Variants in CCDC3 observed in about 807,000 individuals in gnomAD.
CCDC3 encodes the protein coiled-coil domain containing 3, also known as coiled-coil domain-containing protein 3.
A neutral mutation model predicts 21.4 loss-of-function variants in CCDC3; 24 were observed. The observed-to-expected ratio is 1.12, with a 90% CI of 0.81 to 1.58. The LOEUF (loss-of-function observed/expected upper bound fraction) is 1.58. Among genes scored for constraint, CCDC3 ranks in the 40% most tolerant of loss-of-function variants. The pLI is 0.00. For synonymous variants in CCDC3, 186 were observed against 166.0 expected, an observed-to-expected ratio of 1.12 and a Z score of -0.93; for missense variants, 425 against 360.9, an observed-to-expected ratio of 1.18 and a Z score of -1.44.
chr10:12,992,167 A>G (rs4579841), intron 2 of CCDC3, among the ~76,000 whole-genome samples: 43,441 of 151,962 alleles, frequency 0.29, 6,462 homozygotes, highest in African/African-American at 0.33. Context: ...AGGTGGGTAG[A>G]TCACTTGAGG....
At chr10:12,931,564 T>TA (rs1299304461) in intron 2 of CCDC3, among the ~76,000 whole-genome samples, 3 of 152,262 alleles carry the variant, frequency 2.0e-5, no homozygotes, top group Non-Finnish European at 4.4e-5. Flanking sequence ...TTGGTTTTTC[T>TA]ATAGCTGCTT....
At chr10:12,933,978 A>G (rs925961624) in intron 2 of CCDC3, among the ~76,000 whole-genome samples, 2 of 151,786 alleles carry the variant, frequency 1.3e-5, no homozygotes, top group South Asian at 2.1e-4. Flanking sequence ...TCTTTTGCTT[A>G]CTTTAAATTT....
At chr10:13,071,659 G>T (rs1340798499) in intron 4 of CCDC3, among the ~76,000 whole-genome samples, 1 of 152,120 alleles carries the variant, frequency 6.6e-6, no homozygotes, top group Non-Finnish European at 1.5e-5. Context: ...CAGGACTTGG[G>T]GATACAAGGA....
At chr10:13,002,282 C>T (rs1272637175), upstream of CCDC3, among the ~76,000 whole-genome samples, 1 of 152,218 alleles carries the variant, frequency 6.6e-6, no homozygotes, top group East Asian at 1.9e-4. Flanking sequence ...CTGAGAAATA[C>T]ATTCAGAAGT....
intron 3 of CCDC3, among the ~76,000 whole-genome samples, chr10:13,087,175 CG>C (rs1365903522): frequency 3.3e-5 from 5 of 152,144 alleles, no homozygotes; most frequent in Non-Finnish European, 7.4e-5. Context: ...AAGGCCAAGG[CG>C]GGTGGATCAC....
intron 2 of CCDC3, among the ~76,000 whole-genome samples, chr10:12,978,034 C>A (rs1037385297): frequency 7.6e-6 from 1 of 131,340 alleles, no homozygotes; most frequent in African/African-American, 2.9e-5. Flanking sequence ...TTTTTTTTTT[C>A]TTGAGATGGA....
intron 2 of CCDC3, among the ~76,000 whole-genome samples, chr10:12,937,173 G>A (rs937120585): frequency 4.6e-5 from 7 of 151,058 alleles, no homozygotes; most frequent in Admixed American, 2.6e-4. Flanking sequence ...TTACAGTTCC[G>A]CCTTTCCTAC....
chr10:12,997,582 A>G (rs560540418), intron 2 of CCDC3, among the ~76,000 whole-genome samples: 1 of 152,296 alleles, frequency 6.6e-6, no homozygotes, highest in South Asian at 2.1e-4. Flanking sequence ...CTTACCAACT[A>G]TAGTTAAGAA....
chr10:13,070,812 C>T lies in CCDC3; in HGVS notation c.-270+3056G>A, dbSNP rs147393889. On this transcript the variant is annotated intron_variant, in intron 4 of 6. Coordinates refer to the CCDC3 transcript ENST00000378839. ...GACTAAAGTCTATTTTGCAAACAAC[C>T]CAGTCCTATCATGATTTGTTTTTAA... is the stretch of plus-strand genomic sequence containing the variant. 7.7e-3 allele frequency among the ~76,000 whole-genome samples: 1,170 copies of T among 152,248 alleles called. 41 individuals carry two copies. In the South Asian group the frequency reaches 0.088, roughly 12 times the overall value.
chr10:12,926,092 A>G (rs1457874205), intron 2 of CCDC3, among the ~76,000 whole-genome samples: 1 of 152,242 alleles, frequency 6.6e-6, no homozygotes. Flanking sequence ...GACAGTGCTC[A>G]GTCCTGGGTA....
intron 2 of CCDC3, among the ~76,000 whole-genome samples, chr10:12,957,349 G>A (rs1835105254): frequency 6.6e-6 from 1 of 152,170 alleles, no homozygotes; most frequent in East Asian, 1.9e-4. Context: ...CAGTAATACT[G>A]AACGAAATCT....
At chr10:13,004,498 T>C (rs1461839478), upstream of CCDC3, among the ~76,000 whole-genome samples, 2 of 151,902 alleles carry the variant, frequency 1.3e-5, no homozygotes, top group Admixed American at 6.6e-5. Context: ...GCAGAAGCAT[T>C]ATGGCAGGGA....
intron 2 of CCDC3, among the ~76,000 whole-genome samples, chr10:12,940,172 C>A (rs1488508938): frequency 6.8e-6 from 1 of 148,108 alleles, no homozygotes; most frequent in East Asian, 2.0e-4. Context: ...ATTTCAGTTA[C>A]AGAAGCAACA....
intron 2 of CCDC3, among the ~76,000 whole-genome samples, chr10:12,958,017 G>A (rs1476868586): frequency 6.6e-6 from 1 of 151,992 alleles, no homozygotes; most frequent in East Asian, 1.9e-4. Context: ...AGTAGAGACG[G>A]GGTTTCACCA....
intron 5 of CCDC3, among the ~76,000 whole-genome samples, chr10:13,024,859 G>C (rs149101311): frequency 1.7e-3 from 253 of 152,272 alleles, no homozygotes; most frequent in African/African-American, 5.6e-3. Flanking sequence ...TACATAACTT[G>C]GGTTCTCTTT....
At position 12,903,812 on chromosome 10, in the gene CCDC3, A is replaced by C. The variant is rs540621591; in HGVS notation, c.550-5133T>G. ...TATCCATACTTCCTTATCTGTCTAA[A>C]ATAACACTTTTTAAAACCATCAAAG... is the stretch of plus-strand genomic sequence containing the variant. On this transcript the variant is annotated intron_variant, in intron 2 of 2. Coordinates refer to ENST00000378825, the MANE Select transcript of CCDC3 (RefSeq NM_031455.4). 1.2e-3 allele frequency among the ~76,000 whole-genome samples: 177 copies of C among 152,158 alleles called. 1 individual carries two copies. Among genetic ancestry groups the C allele is most frequent in the African/African-American group, 4.1e-3 (171 of 41,538 alleles).
chr10:13,002,626 C>T (rs939566692), upstream of CCDC3, among the ~76,000 whole-genome samples: 1 of 152,154 alleles, frequency 6.6e-6, no homozygotes, highest in Non-Finnish European at 1.5e-5. Flanking sequence ...TCGATCCTCC[C>T]ACCTCAGCCT....
At chr10:13,029,825 G>A (rs191388765) in intron 5 of CCDC3, among the ~76,000 whole-genome samples, 95 of 152,326 alleles carry the variant, frequency 6.2e-4, no homozygotes, top group African/African-American at 2.1e-3. Context: ...AAGCCTCCAA[G>A]AAATATGGGA....
chr10:13,042,906 C>CAAAAA (rs55911312), intron 5 of CCDC3, among the ~76,000 whole-genome samples: 41 of 100,208 alleles, frequency 4.1e-4, no homozygotes, highest in African/African-American at 7.5e-4. Context: ...GAGACTGTCT[C>CAAAAA]AAAAAAAAAA....
Sources: allele counts gnomAD v4.1 joint callset (sites outside exome capture counted in the v4.1 genomes callset), GRCh38; gene constraint gnomAD v4.1.1; transcripts MANE v1.5; gene names NCBI Gene and HGNC (gene_info 2026-07-23, HGNC 2026-07-21).